The following OPCML variants were observed in gnomAD, a reference collection of about 807,000 sequenced individuals.
OPCML encodes opioid binding protein/cell adhesion molecule like, also known as opioid-binding protein/cell adhesion molecule.
Under a neutral mutation model 37.8 loss-of-function variants are expected in OPCML, and 13 were observed. The observed-to-expected ratio is 0.34, with a 90% CI of 0.22 to 0.55. OPCML has a LOEUF of 0.55. OPCML is among the 20% of genes least tolerant of loss of function. The pLI is 0.91. For missense variants in OPCML, 341 were observed against 435.6 expected, an observed-to-expected ratio of 0.78 and a Z score of 1.93; for synonymous variants, 176 against 168.8, an observed-to-expected ratio of 1.04 and a Z score of -0.33.
chr11:133,479,660 T>A (rs1347736257), intron 1 of OPCML, among the ~76,000 whole-genome samples: 1 of 152,112 alleles, frequency 6.6e-6, no homozygotes, highest in Non-Finnish European at 1.5e-5. Context: ...CTGCCACTGC[T>A]CACACTGTTG....
chr11:133,171,105 A>G (rs1282901103), intron 1 of OPCML, among the ~76,000 whole-genome samples: 1 of 152,180 alleles, frequency 6.6e-6, no homozygotes, highest in East Asian at 1.9e-4. Flanking sequence ...TGAAGAAGAG[A>G]TTTCAGGGAG....
At chr11:132,952,983 C>T (rs1435648892) in intron 1 of OPCML, among the ~76,000 whole-genome samples, 2 of 152,104 alleles carry the variant, frequency 1.3e-5, no homozygotes, top group Non-Finnish European at 2.9e-5. Context: ...AACAAGCCAA[C>T]CTAAGGCATG....
Position 133,488,271 on chromosome 11 carries a change from A to G in OPCML, c.61+43993T>C, listed in dbSNP as rs537866822. ...ACTGGAAGTCCTTGCCAGAACAATCAGGCAAGAGAAAAAAATAAAAGGCAT... is the reference window on the plus strand; with the variant it reads ...ACTGGAAGTCCTTGCCAGAACAATCGGGCAAGAGAAAAAAATAAAAGGCAT... On this transcript the variant is annotated intron_variant, in intron 1 of 7. Transcript: ENST00000524381. Among the ~76,000 whole-genome samples the G allele has an allele frequency of 2.0e-5, 3 of 152,306 alleles. No individual in the cohort carries two copies. The South Asian group carries it at 6.2e-4, about 32-fold the overall frequency.
intron 1 of OPCML, chr11:133,025,019 C>T (rs1947525137): frequency 1.0e-6 from 1 of 984,680 alleles, no homozygotes; most frequent in African/African-American, 1.7e-5. Flanking sequence ...AGTCCTCAAA[C>T]TATGCCTTAA....
chr11:132,424,243 C>T (rs181151452), intron 7 of OPCML, among the ~76,000 whole-genome samples: 1 of 152,026 alleles, frequency 6.6e-6, no homozygotes, highest in African/African-American at 2.4e-5. Flanking sequence ...CCTCATCCTC[C>T]CAAGTAGCTG....
At chr11:132,457,283 G>A (rs1161229943) in intron 4 of OPCML, among the ~76,000 whole-genome samples, 2 of 152,210 alleles carry the variant, frequency 1.3e-5, no homozygotes, top group Non-Finnish European at 1.5e-5. Context: ...CAGTCGTAGG[G>A]CATGGCTGCT....
chr11:132,682,892 C>A (rs562484636), intron 2 of OPCML, among the ~76,000 whole-genome samples: 1 of 152,364 alleles, frequency 6.6e-6, no homozygotes, highest in African/African-American at 2.4e-5. Flanking sequence ...TCTCACTTGT[C>A]ACCAGCAGGT....
At chr11:133,045,505 AC>A (rs562203772) in intron 1 of OPCML, among the ~76,000 whole-genome samples, 82 of 152,312 alleles carry the variant, frequency 5.4e-4, no homozygotes, top group African/African-American at 1.9e-3. Context: ...GTGATGTAGC[AC>A]CGTCATTGGA....
At chr11:132,651,696 T>C (rs969975317) in intron 3 of OPCML, among the ~76,000 whole-genome samples, 3 of 152,136 alleles carry the variant, frequency 2.0e-5, no homozygotes, top group African/African-American at 7.2e-5. Flanking sequence ...TGGGAACACA[T>C]TTTTCTTTAC....
chr11:132,678,147 G>T (rs894203307), intron 2 of OPCML, among the ~76,000 whole-genome samples: 6 of 152,156 alleles, frequency 3.9e-5, no homozygotes, highest in Non-Finnish European at 5.9e-5. Context: ...CTGAAAAGAT[G>T]CTCCACATCA....
intron 1 of OPCML, among the ~76,000 whole-genome samples, chr11:133,163,711 C>G (rs1411316551): frequency 1.3e-5 from 2 of 152,216 alleles, no homozygotes; most frequent in Non-Finnish European, 2.9e-5. Context: ...TCAGAATGCT[C>G]TCCCACCCAC....
intron 2 of OPCML, among the ~76,000 whole-genome samples, chr11:132,717,474 C>G (rs974339433): frequency 2.0e-5 from 3 of 152,006 alleles, no homozygotes; most frequent in Non-Finnish European, 4.4e-5. Context: ...ATCACTGCCA[C>G]TATGCAAAGG....
intron 1 of OPCML, among the ~76,000 whole-genome samples, chr11:133,117,321 T>C (rs4427573): frequency 0.75 from 114,762 of 152,060 alleles, 43,723 homozygotes; most frequent in African/African-American, 0.85. Context: ...ACTTCTTTTC[T>C]TCCTCATTTA....
At chr11:133,002,966 A>G (rs1367886311) in intron 1 of OPCML, among the ~76,000 whole-genome samples, 2 of 152,170 alleles carry the variant, frequency 1.3e-5, no homozygotes, top group East Asian at 1.9e-4. Context: ...AGTGGGGGGA[A>G]AAATGCAAGT....
chr11:132,929,383 G>A (rs1169400849), intron 2 of OPCML, among the ~76,000 whole-genome samples: 1 of 152,002 alleles, frequency 6.6e-6, no homozygotes, highest in Non-Finnish European at 1.5e-5. Context: ...AGTCTGTCAA[G>A]ACTGAATCAC....
At chr11:132,436,508 CGTT>C in intron 6 of OPCML, 148 bp downstream of exon 6, 1 of 1,423,352 alleles carries the variant, frequency 7.0e-7, no homozygotes. Context: ...TTTTTTTTCT[CGTT>C]GTAAAAATAG....
chr11:133,328,360 G>A (rs1943530666), intron 1 of OPCML, among the ~76,000 whole-genome samples: 1 of 152,090 alleles, frequency 6.6e-6, no homozygotes, highest in Non-Finnish European at 1.5e-5. Context: ...GTTTTGCCAT[G>A]TTGGCCAGCG....
At chr11:132,457,735 T>G (rs1202898275) in intron 4 of OPCML, among the ~76,000 whole-genome samples, 1 of 152,194 alleles carries the variant, frequency 6.6e-6, no homozygotes, top group Non-Finnish European at 1.5e-5. Flanking sequence ...AATTCAGGGC[T>G]AAAGCACTCC....
chr11:132,863,519 T>C (rs1041373680), intron 2 of OPCML, among the ~76,000 whole-genome samples: 21 of 150,552 alleles, frequency 1.4e-4, no homozygotes, highest in South Asian at 2.1e-4. Context: ...AGCCCTCCTG[T>C]CTCTCAGTCT....
Sources: gnomAD v4.1 joint callset for allele counts (sites outside exome capture counted in the v4.1 genomes callset) on GRCh38, gnomAD v4.1.1 for gene constraint, MANE v1.5 for transcripts, NCBI Gene and HGNC (gene_info 2026-07-23, HGNC 2026-07-21) for gene names.